Variants in KIRREL3 observed in about 807,000 individuals in gnomAD.
The protein encoded by KIRREL3 is kirre like nephrin family adhesion molecule 3.
Under a neutral mutation model 89.7 loss-of-function variants are expected in KIRREL3, and 36 were observed. The ratio of observed to expected loss-of-function variants is 0.40; its 90% CI spans 0.31 to 0.53. The LOEUF (loss-of-function observed/expected upper bound fraction) is 0.53, where lower values mean the gene tolerates loss of function less well. KIRREL3 is among the 20% of genes least tolerant of loss of function. KIRREL3 has a pLI of 0.49. For missense variants in KIRREL3, 864 were observed against 1,056.6 expected (o/e 0.82, Z 2.53); for synonymous variants, 445 against 441.4 (o/e 1.01, Z -0.10).
Position 126,517,000 on chromosome 11 carries a change from G to A in KIRREL3, c.433+4315C>T, listed in dbSNP as rs1380490060. On this transcript the variant is annotated intron_variant, in intron 4 of 16. Coordinates refer to ENST00000525144, the MANE Select transcript of KIRREL3 (RefSeq NM_032531.4). The surrounding 1 kb of genome is among the most constrained non-coding windows in gnomAD (Gnocchi z 4.9). ...GCTGGAGCAGGAGGACCCAGAAGGC[G>A]GAGGTTGCGGTGAGCTGAGATCGTG... Among the ~76,000 whole-genome samples the A allele has an allele frequency of 2.6e-5, 4 of 152,250 alleles. No individual in the cohort carries two copies. Among genetic ancestry groups the A allele is most frequent in the South Asian group, 2.1e-4 (1 of 4,830 alleles).
intron 1 of KIRREL3, among the ~76,000 whole-genome samples, chr11:126,743,996 T>C (rs930565215): frequency 3.9e-5 from 6 of 152,206 alleles, no homozygotes; most frequent in African/African-American, 1.4e-4. Flanking sequence ...GATGGCCTCA[T>C]GGAAGAGGTG....
intron 1 of KIRREL3, among the ~76,000 whole-genome samples, chr11:126,962,997 G>A (rs1460942688): frequency 1.3e-5 from 2 of 152,094 alleles, no homozygotes; most frequent in African/African-American, 2.4e-5. Context: ...AATAGACTAT[G>A]GTATAGTGTA....
In KIRREL3 at chr11:126,695,209, G is replaced by A. The variant is rs1055414917; in HGVS notation, c.56-132297C>T. The stretch of plus-strand genomic sequence containing the variant: ...TTGCCAATCCCTGCTCTAATTCATT[G>A]GTATTTTGGGGTTCTCTTATCTGTG... On this transcript the variant is annotated intron_variant, in intron 1 of 16. Coordinates refer to ENST00000525144, the MANE Select transcript of KIRREL3 (RefSeq NM_032531.4). Among the ~76,000 whole-genome samples the A allele has an allele frequency of 4.6e-5, 7 of 152,092 alleles. No homozygotes were observed. In the South Asian group the frequency reaches 1.4e-3, roughly 31 times the overall value.
At chr11:126,793,236 G>T (rs1950702181) in intron 1 of KIRREL3, among the ~76,000 whole-genome samples, 1 of 152,090 alleles carries the variant, frequency 6.6e-6, no homozygotes, top group Admixed American at 6.6e-5. Flanking sequence ...TTAGACTCTG[G>T]AAGAAAGCCA....
Position 126,677,556 on chromosome 11 carries a change from A to T in KIRREL3, c.56-114644T>A, listed in dbSNP as rs377414917. On this transcript the variant is annotated intron_variant, in intron 1 of 16. Transcript: ENST00000525144. This position sits in a 1 kb window ranked among gnomAD's most constrained non-coding sequence, Gnocchi z 5.1. ...ATGACTTGTCAGAGGCCCCAGGGAC[A>T]GTCAGTGGAAGCACGCTGAACAGGG... Among the ~76,000 whole-genome samples the T allele has an allele frequency of 6.6e-6, 1 of 152,204 alleles. No individual in the cohort carries two copies. The highest frequency in any genetic ancestry group is 2.4e-5 in the African/African-American group (1 of 41,450).
chr11:126,630,183 G>T (rs535270796), intron 1 of KIRREL3, among the ~76,000 whole-genome samples: 2 of 152,294 alleles, frequency 1.3e-5, no homozygotes, highest in East Asian at 1.9e-4. Context: ...TGTTTCCCAG[G>T]AACTGATGAT....
chr11:126,615,291 A>G lies in KIRREL3; in HGVS notation c.56-52379T>C, dbSNP rs1943297703. ...TCCAGTTCCTGGCACAGTCCTCAAT[A>G]AATGTTTATTGTCATTCCTGTGATT... On this transcript the variant is annotated intron_variant, in intron 1 of 16. Coordinates refer to ENST00000525144, the MANE Select transcript of KIRREL3 (RefSeq NM_032531.4). The surrounding 1 kb of genome is among the most constrained non-coding windows in gnomAD (Gnocchi z 5.4). Among the ~76,000 whole-genome samples, 1 of 152,144 alleles carries G rather than the reference A, an allele frequency of 6.6e-6. No individual in the cohort carries two copies. Among genetic ancestry groups the G allele is most frequent in the Non-Finnish European group, 1.5e-5 (1 of 68,028 alleles).
rs997075462 is a variant in KIRREL3, at chr11:126,948,622, T to C, written c.55+51833A>G. The stretch of plus-strand genomic sequence containing the variant: ...GATCTATGGGACTCAGTTTCCTTAT[T>C]CAGAGCTTGACCAGTGCTCTTTTTT... On this transcript the variant is annotated intron_variant, in intron 1 of 16. Coordinates refer to ENST00000525144, the MANE Select transcript of KIRREL3 (RefSeq NM_032531.4). This position sits in a 1 kb window ranked among gnomAD's most constrained non-coding sequence, Gnocchi z 4.5. 6.6e-6 allele frequency among the ~76,000 whole-genome samples: 1 copy of C among 152,252 alleles called. No homozygotes were observed. The highest frequency in any genetic ancestry group is 2.4e-5 in the African/African-American group (1 of 41,466).
chr11:126,507,480 T>C (rs564051610), intron 4 of KIRREL3, among the ~76,000 whole-genome samples: 17 of 152,358 alleles, frequency 1.1e-4, no homozygotes, highest in African/African-American at 3.6e-4. Context: ...CTACTTTTTT[T>C]GAATAGCATT....
intron 4 of KIRREL3, among the ~76,000 whole-genome samples, chr11:126,493,879 C>G (rs1444707443): frequency 6.6e-6 from 1 of 152,086 alleles, no homozygotes; most frequent in East Asian, 1.9e-4. Context: ...CCGGAACCAT[C>G]CTTTCCTGGT....
Position 126,627,890 on chromosome 11 carries a change from C to A in KIRREL3, c.56-64978G>T, listed in dbSNP as rs562484723. Reference sequence around the variant, plus strand: ...GAGGATAGGTGGGTAGCAGTGTGGGCAGGAAAACAGCCCAGGAGTTGGGAG... The same window carrying A: ...GAGGATAGGTGGGTAGCAGTGTGGGAAGGAAAACAGCCCAGGAGTTGGGAG... On this transcript the variant is annotated intron_variant, in intron 1 of 16. Transcript: ENST00000525144. The surrounding 1 kb of genome is among the most constrained non-coding windows in gnomAD (Gnocchi z 5.0). 2.0e-5 allele frequency among the ~76,000 whole-genome samples: 3 copies of A among 152,266 alleles called. No individual in the cohort carries two copies. In the East Asian group the frequency reaches 5.8e-4, roughly 29 times the overall value.
In KIRREL3 at chr11:126,782,398, C is replaced by T. The variant is rs1032225407; in HGVS notation, c.55+218057G>A. On this transcript the variant is annotated intron_variant, in intron 1 of 16. Coordinates refer to ENST00000525144, the MANE Select transcript of KIRREL3 (RefSeq NM_032531.4). This position sits in a 1 kb window ranked among gnomAD's most constrained non-coding sequence, Gnocchi z 4.1. ...GATATAACTAACTGATAGCAGTTCC[C>T]TTTGTGAGACTAGGTTTGGGTATTA... 3.9e-5 allele frequency among the ~76,000 whole-genome samples: 6 copies of T among 152,166 alleles called. No individual in the cohort carries two copies. The highest frequency in any genetic ancestry group is 2.0e-4 in the Admixed American group (3 of 15,276).
intron 4 of KIRREL3, among the ~76,000 whole-genome samples, chr11:126,493,303 C>G (rs1312657927): frequency 6.6e-6 from 1 of 152,042 alleles, no homozygotes; most frequent in Non-Finnish European, 1.5e-5. Context: ...GGGTGGATCA[C>G]GAGGCCAGGA....
intron 1 of KIRREL3, among the ~76,000 whole-genome samples, chr11:126,816,159 TAAG>T (rs1182304909): frequency 6.6e-6 from 1 of 152,228 alleles, no homozygotes; most frequent in Non-Finnish European, 1.5e-5. Flanking sequence ...ATTGGAGTCT[TAAG>T]AAAGAGTTAG....
rs1944047428 is a variant in KIRREL3 at position 126,843,904 on chromosome 11, G to A, written c.55+156551C>T. Among the ~76,000 whole-genome samples, 1 of 152,126 alleles carries A rather than the reference G, an allele frequency of 6.6e-6. No homozygotes were observed. Among genetic ancestry groups the A allele is most frequent in the Admixed American group, 6.5e-5 (1 of 15,284 alleles). On this transcript the variant is annotated intron_variant, in intron 1 of 16. Coordinates refer to ENST00000525144, the MANE Select transcript of KIRREL3 (RefSeq NM_032531.4). This position sits in a 1 kb window ranked among gnomAD's most constrained non-coding sequence, Gnocchi z 4.6. ...TACCCTACCTGGGCTCAAAAGGGGAGGCATGAATAATCCCCTTGTTTAGCA... is the reference window on the plus strand; with the variant it reads ...TACCCTACCTGGGCTCAAAAGGGGAAGCATGAATAATCCCCTTGTTTAGCA...
chr11:126,793,464 A>C (rs1950708881), intron 1 of KIRREL3, among the ~76,000 whole-genome samples: 1 of 152,182 alleles, frequency 6.6e-6, no homozygotes. Flanking sequence ...AGAGTGAAGG[A>C]GAAAGAGAGT....
rs575264559 is a variant in KIRREL3, at chr11:126,606,568, C to A, written c.56-43656G>T. Among the ~76,000 whole-genome samples, 15 of 152,264 alleles carry A rather than the reference C, an allele frequency of 9.9e-5. No homozygotes were observed. The South Asian group carries it at 2.9e-3, about 30-fold the overall frequency. On this transcript the variant is annotated intron_variant, in intron 1 of 16. Transcript: ENST00000525144. The surrounding 1 kb of genome is among the most constrained non-coding windows in gnomAD (Gnocchi z 4.6). ...TCCCCACCTTAGGGTGGTCTCCAGA[C>A]CACATCCCAGATGACCTTACACACC...
Position 126,454,473 on chromosome 11 carries a change from G to T in KIRREL3, c.848+1876C>A, listed in dbSNP as rs539776332. 6.6e-6 allele frequency among the ~76,000 whole-genome samples: 1 copy of T among 152,326 alleles called. No individual in the cohort carries two copies. Among genetic ancestry groups the T allele is most frequent in the Admixed American group, 6.5e-5 (1 of 15,304 alleles). ...AGGGTGGCTGTGAGGGTGAATAGGGGTGCTTGCCGGGTGGTCTGTGGGTGT... is the reference window on the plus strand; with the variant it reads ...AGGGTGGCTGTGAGGGTGAATAGGGTTGCTTGCCGGGTGGTCTGTGGGTGT... On this transcript the variant is annotated intron_variant, in intron 7 of 16. Coordinates refer to ENST00000525144, the MANE Select transcript of KIRREL3 (RefSeq NM_032531.4). This position sits in a 1 kb window ranked among gnomAD's most constrained non-coding sequence, Gnocchi z 5.8.
In KIRREL3 at chr11:126,953,942, T is replaced by C. The variant is rs900448879; in HGVS notation, c.55+46513A>G. On this transcript the variant is annotated intron_variant, in intron 1 of 16. Transcript: ENST00000525144. This position sits in a 1 kb window ranked among gnomAD's most constrained non-coding sequence, Gnocchi z 5.2. ...TTCCCCTTTCTTTCTTTGCTGAGGC[T>C]AGATTTCACAGGGCAATCTGCTGAG... 1.3e-5 allele frequency among the ~76,000 whole-genome samples: 2 copies of C among 152,190 alleles called. No homozygotes were observed. Among genetic ancestry groups the C allele is most frequent in the African/African-American group, 4.8e-5 (2 of 41,454 alleles).
Sources: allele counts gnomAD v4.1 joint callset (sites outside exome capture counted in the v4.1 genomes callset), GRCh38; gene constraint gnomAD v4.1.1; non-coding constraint Gnocchi (gnomAD v3.1); transcripts MANE v1.5; gene names NCBI Gene and HGNC (gene_info 2026-07-23, HGNC 2026-07-21).